The following RBFOX1 variants were observed in gnomAD, a reference collection of about 807,000 sequenced individuals.
The protein encoded by RBFOX1 is RNA binding protein fox-1 homolog 1.
RBFOX1 carries 8 observed loss-of-function variants against 57.7 expected under a neutral mutation model. The ratio of observed to expected loss-of-function variants is 0.14; its 90% CI spans 0.08 to 0.25. The LOEUF is 0.25. Ranked by LOEUF, RBFOX1 falls within the 10% of genes least tolerant of loss-of-function variation. The probability of loss-of-function intolerance (pLI) is 1.00; values close to 1 mark genes in which losing one functional copy is unlikely to be tolerated. For missense variants in RBFOX1, 611 were observed against 548.5 expected (o/e 1.11, Z -1.14); for synonymous variants, 326 against 222.4 (o/e 1.47, Z -4.15).
Position 7,394,052 on chromosome 16 carries a change from A to G in RBFOX1, c.28-124095A>G, listed in dbSNP as rs759106626. Among the ~76,000 whole-genome samples the G allele has an allele frequency of 7.2e-5, 11 of 152,108 alleles. No homozygotes were observed. In the South Asian group the frequency reaches 8.3e-4, roughly 12 times the overall value. ...GGAGTTGGAGACCATCCTGGCCACA[A>G]TGGTGAAACCCCATCTCTACGAAAA... On this transcript the variant is annotated intron_variant, in intron 4 of 15. Coordinates refer to ENST00000550418, the MANE Select transcript of RBFOX1 (RefSeq NM_018723.4).
intron 4 of RBFOX1, among the ~76,000 whole-genome samples, chr16:7,279,281 C>T (rs930321702): frequency 6.6e-6 from 1 of 152,060 alleles, no homozygotes; most frequent in African/African-American, 2.4e-5. Context: ...CAAAGTGGTA[C>T]AGTGTCTCTT....
chr16:5,425,111 A>ATTTATCTG (rs1158516923), intron 1 of RBFOX1, among the ~76,000 whole-genome samples: 4 of 134,020 alleles, frequency 3.0e-5, no homozygotes, highest in African/African-American at 1.2e-4. Flanking sequence ...CTATCTATCT[A>ATTTATCTG]TCTATCTATC....
intron 4 of RBFOX1, among the ~76,000 whole-genome samples, chr16:7,412,922 G>C (rs1443135003): frequency 6.6e-6 from 1 of 152,040 alleles, no homozygotes; most frequent in Non-Finnish European, 1.5e-5. Context: ...GGCGCCTGCA[G>C]TCCCAGCTAC....
At chr16:6,215,026 AGGAAAT>A (rs1470734623) in intron 1 of RBFOX1, among the ~76,000 whole-genome samples, 1 of 113,356 alleles carries the variant, frequency 8.8e-6, no homozygotes, top group African/African-American at 3.4e-5. Context: ...GAGAGGTAAA[AGGAAAT>A]GGAGAGGGAG....
intron 1 of RBFOX1, among the ~76,000 whole-genome samples, chr16:6,031,623 G>A (rs2095291006): frequency 6.6e-6 from 1 of 152,208 alleles, no homozygotes; most frequent in Non-Finnish European, 1.5e-5. Context: ...GTACATTTCT[G>A]CACGTGTGTG....
chr16:6,339,967 G>A (rs978544626), intron 2 of RBFOX1, among the ~76,000 whole-genome samples: 7 of 152,032 alleles, frequency 4.6e-5, no homozygotes, highest in African/African-American at 7.2e-5. Flanking sequence ...ATGAGCCACC[G>A]TGCCCAGCCC....
At chr16:6,740,431 TTAAAA>T (rs1170501349) in intron 3 of RBFOX1, among the ~76,000 whole-genome samples, 1 of 152,056 alleles carries the variant, frequency 6.6e-6, no homozygotes, top group African/African-American at 2.4e-5. Flanking sequence ...GGCATACAGA[TTAAAA>T]TAAAGAAATA....
intron 3 of RBFOX1, among the ~76,000 whole-genome samples, chr16:6,686,583 T>G (rs1222928858): frequency 6.6e-6 from 1 of 152,178 alleles, no homozygotes; most frequent in Non-Finnish European, 1.5e-5. Context: ...AACACATTCT[T>G]CAATAGGGGT....
chr16:6,009,105 T>C (rs1291416728), intron 4 of RBFOX1, among the ~76,000 whole-genome samples: 4 of 152,088 alleles, frequency 2.6e-5, no homozygotes, highest in Admixed American at 2.0e-4. Flanking sequence ...TTTACTTTTT[T>C]TTTTTTTTTC....
At chr16:5,652,720 G>A (rs2049281361) in intron 3 of RBFOX1, among the ~76,000 whole-genome samples, 1 of 152,330 alleles carries the variant, frequency 6.6e-6, no homozygotes. Context: ...GAGAGGCACA[G>A]TGGGAAGAAC....
chr16:7,170,703 C>G (rs571331612), intron 4 of RBFOX1, among the ~76,000 whole-genome samples: 2 of 152,128 alleles, frequency 1.3e-5, no homozygotes, highest in Admixed American at 6.5e-5. Context: ...TTGGTTTCTG[C>G]TGTATCCTCA....
chr16:7,063,809 T>C (rs924223731), intron 4 of RBFOX1, among the ~76,000 whole-genome samples: 1 of 152,218 alleles, frequency 6.6e-6, no homozygotes, highest in Non-Finnish European at 1.5e-5. Flanking sequence ...AGCATTCGCA[T>C]TGCATCAGGT....
chr16:5,511,640 C>T (rs775092142), intron 2 of RBFOX1, among the ~76,000 whole-genome samples: 30 of 152,170 alleles, frequency 2.0e-4, no homozygotes, highest in South Asian at 1.0e-3. Context: ...CCAGTTTATC[C>T]CCATTTTATA....
intron 4 of RBFOX1, among the ~76,000 whole-genome samples, chr16:7,414,722 A>G (rs1022301819): frequency 2.0e-5 from 3 of 152,088 alleles, no homozygotes; most frequent in Non-Finnish European, 4.4e-5. Context: ...GGTTCAAGCG[A>G]TTCTTGTGCC....
chr16:5,910,523 A>C (rs1047406485), intron 4 of RBFOX1, among the ~76,000 whole-genome samples: 1 of 151,094 alleles, frequency 6.6e-6, no homozygotes, highest in Non-Finnish European at 1.5e-5. Context: ...TAGATGGGAT[A>C]GGTAGAAAGA....
chr16:5,261,679 A>G (rs545494411), intron 1 of RBFOX1, among the ~76,000 whole-genome samples: 2 of 151,218 alleles, frequency 1.3e-5, no homozygotes, highest in South Asian at 4.2e-4. Context: ...CCTCCTGAGT[A>G]GCTGGGACTA....
intron 4 of RBFOX1, among the ~76,000 whole-genome samples, chr16:7,295,902 C>T (rs1221311923): frequency 1.3e-5 from 2 of 152,172 alleles, no homozygotes; most frequent in African/African-American, 2.4e-5. Flanking sequence ...CTCTGTGGTT[C>T]AGGAAACTCA....
intron 2 of RBFOX1, among the ~76,000 whole-genome samples, chr16:6,586,966 G>T (rs77465017): frequency 0.027 from 4,075 of 152,168 alleles, 155 homozygotes; most frequent in African/African-American, 0.091. Flanking sequence ...CTTAAATTGG[G>T]TTTAAATGAG....
chr16:5,301,479 T>A (rs558580474), intron 1 of RBFOX1, among the ~76,000 whole-genome samples: 1 of 151,394 alleles, frequency 6.6e-6, no homozygotes, highest in African/African-American at 2.4e-5. Context: ...ATTAGCCAAG[T>A]GTGGTGGCAG....
Sources: allele counts gnomAD v4.1 joint callset (sites outside exome capture counted in the v4.1 genomes callset), GRCh38; gene constraint gnomAD v4.1.1; transcripts MANE v1.5; gene names NCBI Gene and HGNC (gene_info 2026-07-23, HGNC 2026-07-21).